Variants in NECAB1 observed in about 807,000 individuals in gnomAD.
NECAB1 encodes N-terminal EF-hand calcium-binding protein 1.
NECAB1 carries 29 observed loss-of-function variants against 57.5 expected under a neutral mutation model. The observed-to-expected ratio is 0.50, with a 90% CI of 0.38 to 0.69. NECAB1 has a LOEUF of 0.69. NECAB1 is among the 30% of genes least tolerant of loss of function. The probability of loss-of-function intolerance (pLI) is 0.00; values close to 1 mark genes in which losing one functional copy is unlikely to be tolerated. For synonymous variants in NECAB1, 142 were observed against 147.7 expected, an observed-to-expected ratio of 0.96 and a Z score of 0.28; for missense variants, 372 against 413.8, an observed-to-expected ratio of 0.90 and a Z score of 0.88.
At chr8:90,917,773 C>T (rs530151352) in intron 6 of NECAB1, 145 bp downstream of exon 6, 127 of 681,642 alleles carry the variant, frequency 1.9e-4, no homozygotes, top group Non-Finnish European at 1.4e-5. Flanking sequence ...CCACTGGTTG[C>T]TTGCCTTATT....
chr8:90,832,484 A>G (rs72662573), intron 3 of NECAB1, among the ~76,000 whole-genome samples: 4,764 of 152,234 alleles, frequency 0.031, 132 homozygotes, highest in Non-Finnish European at 0.047. Flanking sequence ...AATTTTTTGG[A>G]AAAAGAAAAA....
intron 7 of NECAB1, among the ~76,000 whole-genome samples, chr8:90,926,038 A>G (rs900982825): frequency 1.3e-5 from 2 of 152,194 alleles, no homozygotes; most frequent in African/African-American, 2.4e-5. Context: ...TCATCTGGGG[A>G]AAGGATCCTT....
intron 5 of NECAB1, among the ~76,000 whole-genome samples, chr8:90,913,482 A>C (rs1809877984): frequency 6.6e-6 from 1 of 152,062 alleles, no homozygotes; most frequent in Admixed American, 6.6e-5. Context: ...AAAAAAAAAG[A>C]AGCAAAATCT....
At chr8:90,881,377 T>C (rs1166064559) in intron 5 of NECAB1, among the ~76,000 whole-genome samples, 1 of 152,222 alleles carries the variant, frequency 6.6e-6, no homozygotes, top group Non-Finnish European at 1.5e-5. Flanking sequence ...CTGGTGGTGA[T>C]ACAAGTGTGT....
intron 5 of NECAB1, among the ~76,000 whole-genome samples, chr8:90,894,454 T>C (rs1046224249): frequency 6.6e-6 from 1 of 152,222 alleles, no homozygotes; most frequent in African/African-American, 2.4e-5. Flanking sequence ...AAAAACTTGA[T>C]ATGATTCCTA....
chr8:90,864,064 T>C (rs1480573080), intron 3 of NECAB1, among the ~76,000 whole-genome samples: 2 of 152,146 alleles, frequency 1.3e-5, no homozygotes, highest in East Asian at 3.8e-4. Context: ...TAGAAACGTT[T>C]ATAGCAATTT....
intron 3 of NECAB1, among the ~76,000 whole-genome samples, chr8:90,861,151 A>G (rs1812894621): frequency 6.6e-6 from 1 of 152,122 alleles, no homozygotes. Flanking sequence ...TGAGGCCTTT[A>G]TTACAATTGT....
rs555825758 is a variant in NECAB1 at position 90,869,605 on chromosome 8, C to T, written c.234-2523C>T. Among the ~76,000 whole-genome samples, 6 of 152,310 alleles carry T rather than the reference C, an allele frequency of 3.9e-5. No homozygotes were observed. In the South Asian group the frequency reaches 1.0e-3, roughly 26 times the overall value. ...ACTGCCCTGCTGAAGTTCAAACTTG[C>T]GTGGGACCTGTAGCCCTTTTTGTGT... is the stretch of plus-strand genomic sequence containing the variant. On this transcript the variant is annotated intron_variant, in intron 3 of 12. Coordinates refer to ENST00000417640, the MANE Select transcript of NECAB1 (RefSeq NM_022351.5).
Position 90,795,935 on chromosome 8 carries a change from G to A in NECAB1, c.99+3950G>A, listed in dbSNP as rs182182518. On this transcript the variant is annotated intron_variant, in intron 1 of 12. Transcript: ENST00000417640. Reference sequence around the variant, plus strand: ...GGTGCAGCAAACCACCATAGCACACGTTTACCTATGTAACAACCCTGCACA... The same window carrying A: ...GGTGCAGCAAACCACCATAGCACACATTTACCTATGTAACAACCCTGCACA... Among the ~76,000 whole-genome samples the A allele has an allele frequency of 6.6e-5, 10 of 152,232 alleles. No individual in the cohort carries two copies. The East Asian group carries it at 1.5e-3, about 23-fold the overall frequency.
chr8:90,883,227 CAT>C (rs969791389), intron 5 of NECAB1, among the ~76,000 whole-genome samples: 25 of 151,690 alleles, frequency 1.6e-4, no homozygotes, highest in African/African-American at 5.8e-4. Flanking sequence ...CCAAGAAAAA[CAT>C]ATGTCTCTGA....
At chr8:90,949,318 A>C (rs990295673) in intron 10 of NECAB1, among the ~76,000 whole-genome samples, 2 of 152,114 alleles carry the variant, frequency 1.3e-5, no homozygotes, top group African/African-American at 2.4e-5. Context: ...CAAGTGACTC[A>C]AATGGCATAG....
intron 5 of NECAB1, among the ~76,000 whole-genome samples, chr8:90,886,616 C>T (rs981393098): frequency 1.3e-5 from 2 of 151,988 alleles, no homozygotes; most frequent in African/African-American, 2.4e-5. Flanking sequence ...AACTCCTGAG[C>T]TCAGGTGATC....
At chr8:90,820,137 G>C (rs77984651) in intron 2 of NECAB1, among the ~76,000 whole-genome samples, 386 of 152,010 alleles carry the variant, frequency 2.5e-3, no homozygotes, top group African/African-American at 8.8e-3. Context: ...GCAGGTCTTA[G>C]CTGTGATTCT....
intron 10 of NECAB1, among the ~76,000 whole-genome samples, chr8:90,947,351 C>CACACACACACACAG (rs1342952213): frequency 0.028 from 3,443 of 125,176 alleles, 161 homozygotes; most frequent in East Asian, 0.054. Flanking sequence ...CACACACACA[C>CACACACACACACAG]AATAAGCCAA....
intron 5 of NECAB1, among the ~76,000 whole-genome samples, chr8:90,906,881 A>ATATATATATGTATATATATATATGTATG (rs1563528196): frequency 2.0e-4 from 23 of 112,606 alleles, no homozygotes; most frequent in South Asian, 2.8e-4. Flanking sequence ...ATACACATAT[A>ATATATATATGTATATATATATATGTATG]TATATATATA....
intron 3 of NECAB1, among the ~76,000 whole-genome samples, chr8:90,860,231 TTTTTTTC>T (rs1812874825): frequency 8.3e-6 from 1 of 120,566 alleles, no homozygotes; most frequent in Admixed American, 8.8e-5. Context: ...TTCTGTTTCT[TTTTTTTC>T]TTTTTTTTTT....
intron 2 of NECAB1, among the ~76,000 whole-genome samples, chr8:90,820,458 ATGT>A (rs1812126720): frequency 1.3e-5 from 2 of 151,946 alleles, no homozygotes. Flanking sequence ...ATTGAACATG[ATGT>A]TTTCATTTTG....
chr8:90,945,063 AATTT>A (rs1810766925), intron 10 of NECAB1, among the ~76,000 whole-genome samples: 2 of 151,356 alleles, frequency 1.3e-5, no homozygotes, highest in African/African-American at 2.4e-5. Context: ...ATGCCTGGCT[AATTT>A]ATTTATTTTT....
At chr8:90,936,666 G>A (rs1238233203) in intron 9 of NECAB1, among the ~76,000 whole-genome samples, 1 of 152,174 alleles carries the variant, frequency 6.6e-6, no homozygotes, top group Non-Finnish European at 1.5e-5. Flanking sequence ...CCTACCATAA[G>A]AGCAGAGCAG....
Sources: allele counts gnomAD v4.1 joint callset (sites outside exome capture counted in the v4.1 genomes callset), GRCh38; gene constraint gnomAD v4.1.1; transcripts MANE v1.5; gene names NCBI Gene and HGNC (gene_info 2026-07-23, HGNC 2026-07-21).